RGS12: variants seen among roughly 807,000 people sequenced by gnomAD.
RGS12 encodes regulator of G protein signaling 12, also known as regulator of G-protein signaling 12.
Under a neutral mutation model 120.1 loss-of-function variants are expected in RGS12, and 66 were observed. The ratio of observed to expected loss-of-function variants is 0.55; its 90% confidence interval spans 0.45 to 0.67. The LOEUF is 0.67. Among genes scored for constraint, RGS12 ranks in the 30% least tolerant of loss-of-function variants. RGS12 has a pLI of 0.00. For synonymous variants in RGS12, 827 were observed against 804.7 expected, an observed-to-expected ratio of 1.03 and a Z score of -0.47; for missense variants, 1,859 against 1,957.7, an observed-to-expected ratio of 0.95 and a Z score of 0.95.
chr4:3,416,081 G>A lies in RGS12; in HGVS notation c.2387G>A (p.Arg796His), dbSNP rs1399705452. The A allele has an allele frequency of 4.3e-6, 7 of 1,613,968 alleles. No homozygotes were observed. The highest frequency in any genetic ancestry group is 5.1e-6 in the Non-Finnish European group (6 of 1,180,030). Residue 796 changes from arginine (R) to histidine (H), a missense_variant, in exon 7 of 18, where the codon CGC becomes CAC. By Grantham distance (29) the Arg-to-His change is conservative (BLOSUM62 0). This residue lies in a region of RGS12 where 375 missense variants were observed against 475.0 expected (regional missense o/e 0.79). Coordinates refer to ENST00000336727, the MANE Select transcript of RGS12 (RefSeq NM_001394154.1). ...SQAQLADDVL[R>H]APHPDMFKEQ... Reference sequence around the variant, plus strand: ...GCCCAGCTAGCAGACGACGTCCTCCGCGCACCTCACCCAGACATGTTCAAG... The same window carrying A: ...GCCCAGCTAGCAGACGACGTCCTCCACGCACCTCACCCAGACATGTTCAAG...
intron 4 of RGS12, among the ~76,000 whole-genome samples, chr4:3,412,809 C>G (rs752981000): frequency 3.9e-5 from 6 of 152,276 alleles, no homozygotes; most frequent in Non-Finnish European, 7.3e-5. Flanking sequence ...CAGCTGCAGG[C>G]TAAGGACAGC....
intron 3 of RGS12, among the ~76,000 whole-genome samples, chr4:3,368,057 G>A (rs1578841738): frequency 6.6e-6 from 1 of 152,364 alleles, no homozygotes; most frequent in East Asian, 1.9e-4. Context: ...CCCCTCAGCA[G>A]AAGGCCCCAC....
chr4:3,404,475 G>A (rs1720908125), intron 4 of RGS12, among the ~76,000 whole-genome samples: 2 of 152,226 alleles, frequency 1.3e-5, no homozygotes, highest in Non-Finnish European at 2.9e-5. Flanking sequence ...GTCTGTGCAG[G>A]GGTGTGGGTC....
In RGS12 at chr4:3,433,804, C is replaced by T. The variant is rs149959111; in HGVS notation, c.4114+2849C>T. Among the ~76,000 whole-genome samples the T allele has an allele frequency of 3.2e-4, 48 of 152,346 alleles. No homozygotes were observed. In the East Asian group the frequency reaches 3.7e-3, roughly 12 times the overall value. Reference sequence around the variant, plus strand: ...TAGCCCCAGCACCACGCACCGAGACCGAGACCATGCACCATGCAGGCTGGC... The same window carrying T: ...TAGCCCCAGCACCACGCACCGAGACTGAGACCATGCACCATGCAGGCTGGC... On this transcript the variant is annotated intron_variant, in intron 17 of 17. Transcript: ENST00000336727. The surrounding 1 kb of genome is among the most constrained non-coding windows in gnomAD (Gnocchi z 4.4).
chr4:3,423,686 C>T, intron 13 of RGS12, 45 bp downstream of exon 13: 3 of 1,578,640 alleles, frequency 1.9e-6, no homozygotes, highest in Non-Finnish European at 2.6e-6. Flanking sequence ...CAGGCACTGT[C>T]TGTTCCCTTT....
Position 3,317,893 on chromosome 4 carries a change from C to A in RGS12, c.1723C>A (p.Pro575Thr), listed in dbSNP as rs1724900751. The stretch of plus-strand genomic sequence containing the variant: ...CATCAACTGCGGCACACTGCCCCCT[C>A]CTATGAGCAAGATCCCCGCAGACCG... ...SSINCGTLPP[P>T]MSKIPADRYR... is the part of the protein sequence containing the mutation. The change falls in exon 2 of 18, where the codon CCT becomes ACT. Residue 575 changes from proline to threonine, a missense_variant. Physicochemically the swap from Pro to Thr is conservative, Grantham distance 38. Coordinates refer to ENST00000336727, the MANE Select transcript of RGS12 (RefSeq NM_001394154.1). 6.2e-7 allele frequency: 1 copy of A among 1,613,898 alleles called. No homozygotes were observed. Among genetic ancestry groups the A allele is most frequent in the African/African-American group, 1.3e-5 (1 of 74,960 alleles).
intron 2 of RGS12, among the ~76,000 whole-genome samples, chr4:3,325,452 T>A (rs1291867406): frequency 6.6e-6 from 1 of 152,164 alleles, no homozygotes; most frequent in Non-Finnish European, 1.5e-5. Context: ...AATGGCAGAA[T>A]CCATAATCCA....
At chr4:3,400,422 C>G (rs1720462202) in intron 4 of RGS12, among the ~76,000 whole-genome samples, 1 of 152,050 alleles carries the variant, frequency 6.6e-6, no homozygotes. Flanking sequence ...CTTCTAGGAA[C>G]TAGGGATACA....
chr4:3,342,891 T>C, intron 2 of RGS12, 46 bp from the exon 3 acceptor site: 1 of 1,293,724 alleles, frequency 7.7e-7, no homozygotes, highest in Non-Finnish European at 1.1e-6. Flanking sequence ...AGACTAAACA[T>C]CTCTTTGCAA....
At chr4:3,412,894 G>A (rs894959795) in intron 4 of RGS12, 1 of 152,388 alleles carries the variant, frequency 6.6e-6, no homozygotes, top group Non-Finnish European at 1.5e-5. Context: ...CTGAAGCTGG[G>A]CTCACACTGG....
At chr4:3,304,456 C>T (rs1014602008) in intron 1 of RGS12, among the ~76,000 whole-genome samples, 2 of 152,098 alleles carry the variant, frequency 1.3e-5, no homozygotes, top group African/African-American at 2.4e-5. Flanking sequence ...CGCTTTCTCC[C>T]GGGAGTGTGC....
intron 4 of RGS12, among the ~76,000 whole-genome samples, chr4:3,407,876 A>G (rs764499482): frequency 1.3e-5 from 2 of 152,248 alleles, no homozygotes; most frequent in Admixed American, 6.5e-5. Context: ...TGACCCACCA[A>G]TATATACATG....
At chr4:3,384,892 A>G (rs1171723464) in intron 3 of RGS12, among the ~76,000 whole-genome samples, 1 of 152,198 alleles carries the variant, frequency 6.6e-6, no homozygotes, top group Non-Finnish European at 1.5e-5. Flanking sequence ...GCGTCGGGGC[A>G]TGGTTGCCCT....
intron 17 of RGS12, among the ~76,000 whole-genome samples, chr4:3,436,274 G>A (rs1724799950): frequency 6.6e-6 from 1 of 152,134 alleles, no homozygotes. Context: ...GGGAGCCACA[G>A]TGGATTGTAG....
chr4:3,378,895 T>C (rs901671627), intron 3 of RGS12, among the ~76,000 whole-genome samples: 5 of 152,208 alleles, frequency 3.3e-5, no homozygotes, highest in African/African-American at 1.2e-4. Flanking sequence ...CTACTGGGTA[T>C]ATCTCCAGAG....
chr4:3,417,156 TG>T, intron 8 of RGS12, 64 bp downstream of exon 8: 2 of 1,477,430 alleles, frequency 1.4e-6, no homozygotes, highest in Non-Finnish European at 1.8e-6. Context: ...AGAGCTGTTC[TG>T]TGGGGAGTGA....
rs1170504910 is a variant in RGS12 at position 3,312,916 on chromosome 4, C to T, written c.-101-3154C>T. On this transcript the variant is annotated intron_variant, in intron 1 of 17. Coordinates refer to ENST00000336727, the MANE Select transcript of RGS12 (RefSeq NM_001394154.1). ...TAAAATATCTCAATACAGTTTTCTCCAAAAAAAAAAAAATAGTTAGCCGAG... is the reference window on the plus strand; with the variant it reads ...TAAAATATCTCAATACAGTTTTCTCTAAAAAAAAAAAAATAGTTAGCCGAG... 6 of 144,266 alleles carry T rather than the reference C, an allele frequency of 4.2e-5. No homozygotes were observed. In the Admixed American group the frequency reaches 4.2e-4, roughly 10 times the overall value. 8.9% of individuals were successfully genotyped at this position (144,266 alleles called of 1,614,324 possible).
At chr4:3,437,452 C>A (rs1560186081) in intron 17 of RGS12, among the ~76,000 whole-genome samples, 1 of 152,198 alleles carries the variant, frequency 6.6e-6, no homozygotes, top group Non-Finnish European at 1.5e-5. Context: ...TGCCCAAATG[C>A]CCACGGTATT....
intron 16 of RGS12, among the ~76,000 whole-genome samples, chr4:3,429,101 G>A (rs1723974215): frequency 6.6e-6 from 1 of 152,228 alleles, no homozygotes; most frequent in African/African-American, 2.4e-5. Flanking sequence ...AGGCAGAGCT[G>A]GGCACCCAGG....
Sources: allele counts gnomAD v4.1 joint callset (sites outside exome capture counted in the v4.1 genomes callset), GRCh38; gene constraint gnomAD v4.1.1; regional missense constraint gnomAD v4.1.1; non-coding constraint Gnocchi (gnomAD v3.1); transcripts MANE v1.5; gene names NCBI Gene and HGNC (gene_info 2026-07-23, HGNC 2026-07-21).